Variants in NLGN1 observed in about 807,000 individuals in gnomAD.
NLGN1 encodes the protein neuroligin 1.
NLGN1 carries 12 observed loss-of-function variants against 65.5 expected under a neutral mutation model. That is an observed-to-expected ratio of 0.18 (90% CI 0.12 to 0.30). The LOEUF is 0.30. NLGN1 is among the 10% of genes least tolerant of loss of function. The pLI is 1.00. For synonymous variants in NLGN1, 350 were observed against 359.5 expected (o/e 0.97, Z 0.30); for missense variants, 750 against 1,007.1 (o/e 0.74, Z 3.46).
intron 3 of NLGN1, chr3:173,695,575 C>G: frequency 2.9e-6 from 1 of 344,998 alleles, no homozygotes; most frequent in East Asian, 8.1e-5. Context: ...ACTATACTAG[C>G]ATGCTAACTA....
At chr3:174,191,879 C>A (rs1324793115) in intron 4 of NLGN1, among the ~76,000 whole-genome samples, 1 of 152,058 alleles carries the variant, frequency 6.6e-6, no homozygotes, top group Non-Finnish European at 1.5e-5. Context: ...TTGAGCTTTG[C>A]ACCTATCTAT....
intron 4 of NLGN1, among the ~76,000 whole-genome samples, chr3:173,871,464 T>C (rs1210922274): frequency 2.0e-5 from 3 of 152,234 alleles, no homozygotes; most frequent in African/African-American, 7.2e-5. Context: ...CGTAGACAGA[T>C]CTTGATCTTT....
chr3:173,555,554 G>A (rs965076592), intron 2 of NLGN1, among the ~76,000 whole-genome samples: 1 of 152,072 alleles, frequency 6.6e-6, no homozygotes, highest in South Asian at 2.1e-4. Context: ...ATTACGGCTC[G>A]CTATGGCCTC....
intron 4 of NLGN1, among the ~76,000 whole-genome samples, chr3:174,138,468 T>C (rs1253230417): frequency 6.8e-6 from 1 of 147,752 alleles, no homozygotes; most frequent in South Asian, 2.1e-4. Flanking sequence ...AGAATGTCGC[T>C]CCGTCGCCGA....
chr3:173,776,435 TA>T lies in NLGN1; in HGVS notation c.494-31244del, dbSNP rs985061746. On this transcript the variant is annotated intron_variant, in intron 3 of 6. Coordinates refer to ENST00000457714, the Ensembl canonical transcript of NLGN1. Reference sequence around the variant, plus strand: ...ATTTTAATTATTTAACATTATCAGTTACCTGATTAAGATTTAGTTTCCCTAC... The same window carrying T: ...ATTTTAATTATTTAACATTATCAGTTCCTGATTAAGATTTAGTTTCCCTAC... 3.4e-4 allele frequency among the ~76,000 whole-genome samples: 51 copies of T among 152,168 alleles called. 1 individual carries two copies. The highest frequency in any genetic ancestry group is 1.2e-3 in the African/African-American group (49 of 41,560).
At chr3:174,214,214 G>A (rs970775757) in intron 4 of NLGN1, among the ~76,000 whole-genome samples, 12 of 152,046 alleles carry the variant, frequency 7.9e-5, no homozygotes, top group African/African-American at 2.7e-4. Flanking sequence ...ATGAAATTAA[G>A]CAATGCCCAT....
intron 4 of NLGN1, among the ~76,000 whole-genome samples, chr3:173,882,685 G>A (rs1372680578): frequency 6.6e-6 from 1 of 152,152 alleles, no homozygotes; most frequent in Non-Finnish European, 1.5e-5. Flanking sequence ...TGTAGATTAG[G>A]CTTTGGCTTA....
At chr3:173,424,386 G>A (rs1715708565) in intron 1 of NLGN1, among the ~76,000 whole-genome samples, 1 of 152,130 alleles carries the variant, frequency 6.6e-6, no homozygotes, top group Admixed American at 6.5e-5. Flanking sequence ...TCCTTCCCAG[G>A]AAATGGGTTT....
chr3:174,056,242 A>G (rs1736048305), intron 4 of NLGN1, among the ~76,000 whole-genome samples: 1 of 152,012 alleles, frequency 6.6e-6, no homozygotes, highest in African/African-American at 2.4e-5. Flanking sequence ...TTTTGCCGTG[A>G]TGTAATGAGT....
chr3:173,768,485 T>G (rs1477740842), intron 3 of NLGN1, among the ~76,000 whole-genome samples: 1 of 152,166 alleles, frequency 6.6e-6, no homozygotes, highest in Non-Finnish European at 1.5e-5. Context: ...ATTTTTCTTC[T>G]CAAGCACACC....
At chr3:174,187,045 T>C (rs1416375235) in intron 4 of NLGN1, among the ~76,000 whole-genome samples, 6 of 152,052 alleles carry the variant, frequency 3.9e-5, no homozygotes, top group African/African-American at 7.2e-5. Context: ...CTAGATTATT[T>C]ATAATACCGA....
At chr3:173,800,351 A>C in intron 3 of NLGN1, 1 of 1,202,352 alleles carries the variant, frequency 8.3e-7, no homozygotes, top group Non-Finnish European at 1.1e-6. Flanking sequence ...CTGAAGATGA[A>C]GGTATTTTTT....
chr3:173,876,784 T>A (rs971702324), intron 4 of NLGN1, among the ~76,000 whole-genome samples: 1 of 151,966 alleles, frequency 6.6e-6, no homozygotes, highest in African/African-American at 2.4e-5. Context: ...AAATAGAAAA[T>A]TTTGGATTAA....
intron 4 of NLGN1, among the ~76,000 whole-genome samples, chr3:174,229,603 A>G (rs1211835496): frequency 1.3e-5 from 2 of 152,162 alleles, no homozygotes; most frequent in African/African-American, 2.4e-5. Flanking sequence ...GCTAATGAAT[A>G]CTAAAAAGTA....
At chr3:173,877,781 T>A (rs146875365) in intron 4 of NLGN1, among the ~76,000 whole-genome samples, 3 of 152,352 alleles carry the variant, frequency 2.0e-5, no homozygotes, top group African/African-American at 7.2e-5. Context: ...TGTAGCAGTA[T>A]GTACCAGGCA....
chr3:173,976,717 C>A (rs1265022930), intron 4 of NLGN1, among the ~76,000 whole-genome samples: 9 of 152,080 alleles, frequency 5.9e-5, no homozygotes, highest in Admixed American at 5.9e-4. Context: ...GATTCTTTCC[C>A]TGGCATCTGC....
At chr3:173,448,362 G>A (rs1405724794) in intron 2 of NLGN1, among the ~76,000 whole-genome samples, 19 of 152,254 alleles carry the variant, frequency 1.2e-4, no homozygotes, top group East Asian at 1.9e-4. Flanking sequence ...GCTGGATTAC[G>A]TTTATTGATT....
At chr3:173,988,915 T>C (rs1720513585) in intron 4 of NLGN1, among the ~76,000 whole-genome samples, 1 of 152,168 alleles carries the variant, frequency 6.6e-6, no homozygotes, top group Non-Finnish European at 1.5e-5. Context: ...TAATCCCCTC[T>C]CAACCTTGTT....
At chr3:173,506,365 A>G (rs1313544113) in intron 2 of NLGN1, among the ~76,000 whole-genome samples, 2 of 152,062 alleles carry the variant, frequency 1.3e-5, no homozygotes, top group Non-Finnish European at 2.9e-5. Flanking sequence ...TTACCATTAT[A>G]TTATTTTAGT....
Sources: allele counts gnomAD v4.1 joint callset (sites outside exome capture counted in the v4.1 genomes callset), GRCh38; gene constraint gnomAD v4.1.1; transcripts MANE v1.5; gene names NCBI Gene and HGNC (gene_info 2026-07-23, HGNC 2026-07-21).